LMTK2: variants seen among roughly 807,000 people sequenced by gnomAD.
The protein encoded by LMTK2 is lemur tail kinase 2.
LMTK2 carries 37 observed loss-of-function variants against 127.5 expected under a neutral mutation model. The ratio of observed to expected loss-of-function variants is 0.29; its 90% CI spans 0.22 to 0.38. The LOEUF (loss-of-function observed/expected upper bound fraction) is 0.38. Ranked by LOEUF, LMTK2 falls within the 10% of genes least tolerant of loss-of-function variation. LMTK2 has a pLI of 1.00. For synonymous variants in LMTK2, 819 were observed against 810.1 expected (o/e 1.01, Z -0.19); for missense variants, 1,694 against 1,920.3 (o/e 0.88, Z 2.20).
intron 9 of LMTK2, 112 bp from the exon 10 acceptor site, chr7:98,190,616 A>T: frequency 1.0e-6 from 1 of 983,012 alleles, no homozygotes; most frequent in Non-Finnish European, 1.6e-6. Context: ...CCTATTAATA[A>T]TCTTTTCAAT....
intron 6 of LMTK2, among the ~76,000 whole-genome samples, chr7:98,161,004 TA>T (rs1797007210): frequency 6.6e-6 from 1 of 152,210 alleles, no homozygotes; most frequent in Non-Finnish European, 1.5e-5. Flanking sequence ...AGTTTGTTGT[TA>T]AAAAATTTTT....
intron 7 of LMTK2, among the ~76,000 whole-genome samples, chr7:98,177,951 C>T (rs908959079): frequency 1.3e-5 from 2 of 152,200 alleles, no homozygotes; most frequent in African/African-American, 4.8e-5. Flanking sequence ...AGAGTCCCTT[C>T]GGAAGCTTAA....
intron 1 of LMTK2, among the ~76,000 whole-genome samples, chr7:98,136,747 C>T (rs1402756946): frequency 6.6e-6 from 1 of 152,222 alleles, no homozygotes; most frequent in Non-Finnish European, 1.5e-5. Flanking sequence ...CCCAGGTAGC[C>T]ACAACCTTGG....
chr7:98,194,395 G>A lies in LMTK2; in HGVS notation c.3930G>A (p.Ser1310=), dbSNP rs750266765. ...AFNLHSLSSE[S]EDETEHPVPI... is the part of the protein sequence containing the mutation. ...ACCTGCATAGCCTCAGCTCCGAGTC[G>A]GAGGACGAGACCGAGCACCCCGTGC... is the stretch of plus-strand genomic sequence containing the variant. Residue 1310 remains serine (S), a synonymous_variant, in exon 11 of 14, where the codon TCG becomes TCA. Transcript: ENST00000297293. This position sits in a 1 kb window ranked among gnomAD's most constrained non-coding sequence, Gnocchi z 5.4. 5.3e-5 allele frequency: 85 copies of A among 1,614,044 alleles called. No homozygotes were observed. Among genetic ancestry groups the A allele is most frequent in the Non-Finnish European group, 6.6e-5 (78 of 1,180,046 alleles).
At chr7:98,154,897 G>T in intron 5 of LMTK2, 21 bp downstream of exon 5, 1 of 1,368,664 alleles carries the variant, frequency 7.3e-7, no homozygotes, top group Non-Finnish European at 1.0e-6. Context: ...CTTGTCATGT[G>T]TTCTGTAAGA....
Position 98,122,071 on chromosome 7 carries a change from A to C in LMTK2, c.103+14791A>C, listed in dbSNP as rs57170123. 8.7e-3 allele frequency among the ~76,000 whole-genome samples: 1,321 copies of C among 152,378 alleles called. 22 individuals are homozygous for C. The highest frequency in any genetic ancestry group is 0.03 in the African/African-American group (1,234 of 41,582). ...CTATGAGATGACATTATACCATTTA[A>C]TTAAAGGTAATAAAAATGTTTCTGA... On this transcript the variant is annotated intron_variant, in intron 1 of 13. Coordinates refer to ENST00000297293, the MANE Select transcript of LMTK2 (RefSeq NM_014916.4).
chr7:98,153,509 G>T (rs11772060), intron 4 of LMTK2, among the ~76,000 whole-genome samples: 33,110 of 152,126 alleles, frequency 0.22, 3,782 homozygotes, highest in South Asian at 0.38. Flanking sequence ...ACATCCTTGC[G>T]TGGAATGGAT....
intron 4 of LMTK2, among the ~76,000 whole-genome samples, chr7:98,153,966 C>G (rs1796892266): frequency 6.6e-6 from 1 of 152,054 alleles, no homozygotes; most frequent in Non-Finnish European, 1.5e-5. Flanking sequence ...TGTTCTGGTT[C>G]TTACTGTATT....
chr7:98,204,238 G>T (rs116578034), intron 13 of LMTK2, 52 bp downstream of exon 13: 7 of 1,451,354 alleles, frequency 4.8e-6, no homozygotes, highest in Non-Finnish European at 5.7e-6. Context: ...GGGGTGGGGC[G>T]CTGCAGCTGG....
intron 4 of LMTK2, among the ~76,000 whole-genome samples, chr7:98,152,772 A>G (rs1796876169): frequency 1.3e-5 from 2 of 152,072 alleles, no homozygotes; most frequent in Admixed American, 1.3e-4. Flanking sequence ...TTACCTTTTT[A>G]AAAGGATCAC....
At position 98,171,491 on chromosome 7, in the gene LMTK2, A is replaced by G; in HGVS notation, c.658-50A>G. ...CACCGAGGCACGTATTTAAGCGCTC[A>G]CTTTATTCCTGTGGCTCGTTTGGAA... On this transcript the variant is annotated intron_variant, in intron 6 of 13. Transcript: ENST00000297293. The surrounding 1 kb of genome is among the most constrained non-coding windows in gnomAD (Gnocchi z 5.1). 6.2e-7 allele frequency: 1 copy of G among 1,613,522 alleles called. No homozygotes were observed. The highest frequency in any genetic ancestry group is 8.5e-7 in the Non-Finnish European group (1 of 1,179,574).
intron 1 of LMTK2, among the ~76,000 whole-genome samples, chr7:98,120,398 T>TC (rs1796344157): frequency 6.6e-6 from 1 of 152,132 alleles, no homozygotes; most frequent in Non-Finnish European, 1.5e-5. Flanking sequence ...AGGAAGTAAA[T>TC]CCCCAAGACA....
At chr7:98,153,026 G>C (rs1181121595) in intron 4 of LMTK2, among the ~76,000 whole-genome samples, 2 of 152,190 alleles carry the variant, frequency 1.3e-5, no homozygotes, top group Non-Finnish European at 2.9e-5. Context: ...TGGAGTTGCT[G>C]TCAACTGAAA....
At position 98,121,960 on chromosome 7, in the gene LMTK2, A is replaced by T. The variant is rs574183026; in HGVS notation, c.103+14680A>T. On this transcript the variant is annotated intron_variant, in intron 1 of 13. Coordinates refer to ENST00000297293, the MANE Select transcript of LMTK2 (RefSeq NM_014916.4). Reference sequence around the variant, plus strand: ...GTCTAGGCTGTGTTCGCACCTCTGCACTCCAGCCTGGGCGACAGAGCCGGA... The same window carrying T: ...GTCTAGGCTGTGTTCGCACCTCTGCTCTCCAGCCTGGGCGACAGAGCCGGA... Among the ~76,000 whole-genome samples, 128 of 152,134 alleles carry T rather than the reference A, an allele frequency of 8.4e-4. 1 individual carries two copies. The highest frequency in any genetic ancestry group is 3.0e-3 in the African/African-American group (123 of 41,522).
At chr7:98,110,830 T>C (rs866366567) in intron 1 of LMTK2, among the ~76,000 whole-genome samples, 4 of 152,324 alleles carry the variant, frequency 2.6e-5, no homozygotes, top group Middle Eastern at 3.4e-3. Flanking sequence ...CGGAAGCCCG[T>C]GAAGCCAGTG....
At chr7:98,136,330 G>T (rs1036809116) in intron 1 of LMTK2, among the ~76,000 whole-genome samples, 2 of 152,160 alleles carry the variant, frequency 1.3e-5, no homozygotes, top group Non-Finnish European at 2.9e-5. Flanking sequence ...TAGAAGAAAT[G>T]AGGGAAATAG....
At chr7:98,170,772 A>G (rs1225585166) in intron 6 of LMTK2, among the ~76,000 whole-genome samples, 1 of 152,172 alleles carries the variant, frequency 6.6e-6, no homozygotes, top group Non-Finnish European at 1.5e-5. Context: ...ACTCCCAAAA[A>G]CATAGTATCC....
At chr7:98,123,722 C>CAG (rs1464863468) in intron 1 of LMTK2, among the ~76,000 whole-genome samples, 3 of 135,106 alleles carry the variant, frequency 2.2e-5, no homozygotes, top group African/African-American at 7.9e-5. Context: ...CACACACACA[C>CAG]ACACAGACAT....
In LMTK2 at chr7:98,192,213, G is replaced by T; in HGVS notation, c.1748G>T (p.Gly583Val). The change falls in exon 11 of 14, where the codon GGC (glycine) becomes GTC (valine). Residue 583 changes from glycine to valine, a missense_variant. Gly to Val is a moderately radical substitution (Grantham distance 109, BLOSUM62 -3). This residue lies in a region of LMTK2 where 527 missense variants were observed against 539.8 expected (regional missense o/e 0.98). Transcript: ENST00000297293. The stretch of plus-strand genomic sequence containing the variant: ...GACATGGATAATCCAGAAAGGACTG[G>T]CCCTGAACTGTCCCAGCTCACGGCG... ...TTDMDNPERT[G>V]PELSQLTALR... is the part of the protein sequence containing the mutation. 6.6e-7 allele frequency: 1 copy of T among 1,525,002 alleles called. No homozygotes were observed. Among genetic ancestry groups the T allele is most frequent in the South Asian group, 1.3e-5 (1 of 74,988 alleles). 94.5% of individuals were successfully genotyped at this position (1,525,002 alleles called of 1,614,324 possible). A position where few individuals can be genotyped will look rare whatever the true frequency, so the allele number is the denominator to read the frequency against.
Sources: gnomAD v4.1 joint callset for allele counts (sites outside exome capture counted in the v4.1 genomes callset) on GRCh38, gnomAD v4.1.1 for gene constraint, gnomAD v4.1.1 regional missense constraint, Gnocchi (gnomAD v3.1) non-coding constraint, MANE v1.5 for transcripts, NCBI Gene and HGNC (gene_info 2026-07-23, HGNC 2026-07-21) for gene names.